Variants in SLC39A8 observed in about 807,000 individuals in gnomAD.
SLC39A8 encodes the protein metal cation symporter ZIP8.
Under a neutral mutation model 40.4 loss-of-function variants are expected in SLC39A8, and 15 were observed. The observed-to-expected ratio is 0.37, with a 90% confidence interval of 0.25 to 0.57. SLC39A8 has a LOEUF of 0.57. Among genes scored for constraint, SLC39A8 ranks in the 20% least tolerant of loss-of-function variants. The pLI is 0.75. For missense variants in SLC39A8, 472 were observed against 558.8 expected (o/e 0.84, Z 1.57); for synonymous variants, 223 against 221.6 (o/e 1.01, Z -0.06).
intron 2 of SLC39A8, among the ~76,000 whole-genome samples, chr4:102,326,539 C>T (rs1314038695): frequency 6.6e-6 from 1 of 151,806 alleles, no homozygotes; most frequent in Admixed American, 6.6e-5. Context: ...CCAGCCTGGG[C>T]GACAGAGCAA....
chr4:102,328,487 T>C (rs1735312470), intron 2 of SLC39A8, among the ~76,000 whole-genome samples: 1 of 152,192 alleles, frequency 6.6e-6, no homozygotes, highest in South Asian at 2.1e-4. Context: ...TAGAGGATGA[T>C]GAGGAGGGAA....
chr4:102,274,305 A>G (rs1314413198), intron 6 of SLC39A8, among the ~76,000 whole-genome samples: 24 of 152,248 alleles, frequency 1.6e-4, no homozygotes, highest in Admixed American at 1.6e-3. Flanking sequence ...CGTGAAGCAT[A>G]CACAAGTATC....
In SLC39A8 at chr4:102,315,657, T is replaced by A. The variant is rs1203355462; in HGVS notation, c.382+11A>T. ...TTTTCAAATAAAAGAGAAAAAATGC[T>A]TCTAATATACCTTCTGAATGACTTG... On this transcript the variant is annotated intron_variant, in intron 3 of 8. Coordinates refer to ENST00000356736, the MANE Select transcript of SLC39A8 (RefSeq NM_001135146.2). 1.3e-6 allele frequency: 2 copies of A among 1,579,426 alleles called. No individual in the cohort carries two copies. Among genetic ancestry groups the A allele is most frequent in the South Asian group, 1.2e-5 (1 of 83,316 alleles).
At chr4:102,317,526 C>T (rs185810700) in intron 2 of SLC39A8, among the ~76,000 whole-genome samples, 1 of 152,048 alleles carries the variant, frequency 6.6e-6, no homozygotes, top group African/African-American at 2.4e-5. Flanking sequence ...GGAGAAAATA[C>T]CTCAAGATTT....
chr4:102,315,739 A>C lies in SLC39A8; in HGVS notation c.311T>G (p.Val104Gly), dbSNP rs747883981. The C allele has an allele frequency of 6.2e-7, 1 of 1,613,358 alleles. No homozygotes were observed. The highest frequency in any genetic ancestry group is 1.7e-5 in the Admixed American group (1 of 59,930). Residue 104 changes from valine to glycine, a missense_variant, in exon 3 of 9, where the codon GTC (valine) becomes GGC (glycine). Coordinates refer to ENST00000356736, the MANE Select transcript of SLC39A8 (RefSeq NM_001135146.2). ...TGGGTGAAAGTTCAATTGCTGTAAG[A>C]CTGCTGGACAGATGACAGAGAATTT... The part of the protein sequence containing the change: ...SSKFSVICPA[V>G]LQQLNFHPCE...
At chr4:102,280,185 T>C (rs1732809180) in intron 6 of SLC39A8, among the ~76,000 whole-genome samples, 1 of 152,212 alleles carries the variant, frequency 6.6e-6, no homozygotes, top group Non-Finnish European at 1.5e-5. Flanking sequence ...TCCTTTCAAG[T>C]TCTAGAGAAC....
intron 2 of SLC39A8, among the ~76,000 whole-genome samples, chr4:102,328,726 G>A (rs1372015771): frequency 6.6e-6 from 1 of 152,052 alleles, no homozygotes; most frequent in Non-Finnish European, 1.5e-5. Flanking sequence ...TCCATATTAA[G>A]GCATATATAA....
chr4:102,267,710 T>A (rs1370013618), intron 7 of SLC39A8, 36 bp from the exon 8 acceptor site: 1 of 1,552,962 alleles, frequency 6.4e-7, no homozygotes, highest in Non-Finnish European at 8.7e-7. Context: ...AGTGAATAGT[T>A]TTTTTTTTAT....
chr4:102,274,195 A>T (rs1193518936), intron 6 of SLC39A8, among the ~76,000 whole-genome samples: 2 of 152,194 alleles, frequency 1.3e-5, no homozygotes. Flanking sequence ...GGAACCTAAG[A>T]ACCTTGAAAA....
intron 5 of SLC39A8, 139 bp downstream of exon 5, chr4:102,304,850 T>C: frequency 2.8e-6 from 2 of 705,698 alleles, no homozygotes; most frequent in Non-Finnish European, 4.5e-6. Context: ...ATATATTGAC[T>C]CTTTGTTCTC....
chr4:102,279,909 T>C (rs1732796182), intron 6 of SLC39A8, among the ~76,000 whole-genome samples: 3 of 152,034 alleles, frequency 2.0e-5, no homozygotes, highest in Non-Finnish European at 2.9e-5. Flanking sequence ...AGTGGTAGAG[T>C]ATTCAAGGTA....
chr4:102,264,401 A>G (rs531689340), intron 8 of SLC39A8, among the ~76,000 whole-genome samples: 1 of 152,336 alleles, frequency 6.6e-6, no homozygotes, highest in African/African-American at 2.4e-5. Context: ...CAGTGGGTTT[A>G]AAATACTCAC....
chr4:102,267,704 A>C (rs761083507), intron 7 of SLC39A8, 30 bp from the exon 8 acceptor site: 3 of 1,559,138 alleles, frequency 1.9e-6, no homozygotes, highest in Non-Finnish European at 2.6e-6. Context: ...ATATCAAGTG[A>C]ATAGTTTTTT....
chr4:102,284,961 T>C (rs1733094999), intron 6 of SLC39A8, among the ~76,000 whole-genome samples: 1 of 152,124 alleles, frequency 6.6e-6, no homozygotes, highest in Non-Finnish European at 1.5e-5. Flanking sequence ...AACCCTCCAA[T>C]GTAATCTCTA....
At position 102,315,846 on chromosome 4, in the gene SLC39A8, CA is replaced by C. The variant is rs371938850; in HGVS notation, c.220-17del. On this transcript the variant is annotated splice_polypyrimidine_tract_variant and intron_variant, in intron 2 of 8. Transcript: ENST00000356736. ...CAGTTAAACACTGAAATAGAATAAACAAAAAAAAAATGTGATAATAATGTGT... is the reference window on the plus strand; with the variant it reads ...CAGTTAAACACTGAAATAGAATAAACAAAAAAAAATGTGATAATAATGTGT... 5,085 of 1,344,546 alleles carry C rather than the reference CA, an allele frequency of 3.8e-3. No homozygotes were observed. The highest frequency in any genetic ancestry group is 9.3e-3 in the South Asian group (627 of 67,720). The allele number at this position is 1,344,546 out of a possible 1,614,324, so 83.3% of individuals were successfully genotyped here.
chr4:102,291,810 A>G (rs1202521213), intron 6 of SLC39A8, among the ~76,000 whole-genome samples: 2 of 152,032 alleles, frequency 1.3e-5, no homozygotes, highest in African/African-American at 4.8e-5. Flanking sequence ...CAATCCATCA[A>G]CAGACAAATG....
chr4:102,318,955 C>T (rs747556957), intron 2 of SLC39A8, among the ~76,000 whole-genome samples: 15 of 152,150 alleles, frequency 9.9e-5, no homozygotes, highest in Non-Finnish European at 1.9e-4. Flanking sequence ...AGCGCGTTGA[C>T]ATTTTTCATA....
intron 3 of SLC39A8, among the ~76,000 whole-genome samples, chr4:102,311,925 G>A (rs1734451048): frequency 6.6e-6 from 1 of 151,978 alleles, no homozygotes; most frequent in African/African-American, 2.4e-5. Flanking sequence ...ATTTTAAAAT[G>A]TTTTTCTTAG....
intron 6 of SLC39A8, among the ~76,000 whole-genome samples, chr4:102,302,657 G>T (rs1338776482): frequency 6.6e-6 from 1 of 151,914 alleles, no homozygotes; most frequent in Admixed American, 6.6e-5. Flanking sequence ...GGCAGCCTTG[G>T]TACTAATCCA....
Sources: allele counts gnomAD v4.1 joint callset (sites outside exome capture counted in the v4.1 genomes callset), GRCh38; gene constraint gnomAD v4.1.1; transcripts MANE v1.5; gene names NCBI Gene and HGNC (gene_info 2026-07-23, HGNC 2026-07-21).